Variants in PSMA1 observed in about 807,000 individuals in gnomAD.
The protein encoded by PSMA1 is proteasome subunit alpha type-1.
A neutral mutation model predicts 38.4 loss-of-function variants in PSMA1; 3 were observed. The observed-to-expected ratio is 0.08, with a 90% CI of 0.04 to 0.20. PSMA1 has a LOEUF of 0.20. Ranked by LOEUF, PSMA1 falls within the 10% of genes least tolerant of loss-of-function variation. The pLI is 1.00. For missense variants in PSMA1, 227 were observed against 325.3 expected (o/e 0.70, Z 2.32); for synonymous variants, 101 against 107.1 (o/e 0.94, Z 0.35).
At chr11:14,551,612 C>G (rs1851886414) in intron 2 of PSMA1, among the ~76,000 whole-genome samples, 1 of 152,172 alleles carries the variant, frequency 6.6e-6, no homozygotes, top group Non-Finnish European at 1.5e-5. Flanking sequence ...AGATCATAGC[C>G]AATGAACTTC....
intron 2 of PSMA1, among the ~76,000 whole-genome samples, chr11:14,561,346 A>G (rs2134173209): frequency 6.6e-6 from 1 of 152,222 alleles, no homozygotes; most frequent in Non-Finnish European, 1.5e-5. Flanking sequence ...TCCACTATCT[A>G]TACATCTCCA....
intron 2 of PSMA1, among the ~76,000 whole-genome samples, chr11:14,533,431 C>T (rs766607145): frequency 4.6e-5 from 7 of 152,156 alleles, no homozygotes; most frequent in Non-Finnish European, 8.8e-5. Context: ...AGCCCCTGCA[C>T]CCAAGTACAG....
At chr11:14,551,231 T>C (rs1286243802) in intron 2 of PSMA1, among the ~76,000 whole-genome samples, 1 of 152,188 alleles carries the variant, frequency 6.6e-6, no homozygotes, top group African/African-American at 2.4e-5. Context: ...GAATCCTAGA[T>C]TGAAGATCTA....
intron 4 of PSMA1, among the ~76,000 whole-genome samples, chr11:14,514,758 C>G (rs1226108773): frequency 6.6e-6 from 1 of 152,136 alleles, no homozygotes; most frequent in Non-Finnish European, 1.5e-5. Flanking sequence ...GAAGAGAAGG[C>G]TGAACAAAAG....
chr11:14,537,970 A>G (rs968553452), intron 2 of PSMA1, among the ~76,000 whole-genome samples: 1 of 152,180 alleles, frequency 6.6e-6, no homozygotes. Context: ...CGGACTCCCA[A>G]AGTGCTGGGA....
At chr11:14,548,806 G>A (rs1020626230) in intron 2 of PSMA1, among the ~76,000 whole-genome samples, 2 of 152,174 alleles carry the variant, frequency 1.3e-5, no homozygotes, top group Non-Finnish European at 2.9e-5. Context: ...TTTCTTGACT[G>A]TGTAATAAAT....
intron 2 of PSMA1, among the ~76,000 whole-genome samples, chr11:14,602,785 G>A (rs1305857788): frequency 6.6e-6 from 1 of 152,178 alleles, no homozygotes; most frequent in Non-Finnish European, 1.5e-5. Context: ...TACACTGAAA[G>A]CAGGAACAAA....
At chr11:14,623,712 T>C (rs1377258557) in intron 1 of PSMA1, among the ~76,000 whole-genome samples, 1 of 152,192 alleles carries the variant, frequency 6.6e-6, no homozygotes, top group East Asian at 1.9e-4. Context: ...GAAACTGACA[T>C]TTTGGCATAA....
rs1160030585 is a variant in PSMA1 at position 14,508,561 on chromosome 11, C to A, written c.625-795G>T. 1.5e-4 allele frequency among the ~76,000 whole-genome samples: 7 copies of A among 47,118 alleles called. 1 individual carries two copies. The highest frequency in any genetic ancestry group is 2.7e-3 in the South Asian group (2 of 742). The allele number at this position is 47,118 out of a possible 152,430, so 30.9% of individuals were successfully genotyped here. A position where few individuals can be genotyped will look rare whatever the true frequency, so the allele number is the denominator to read the frequency against. On this transcript the variant is annotated intron_variant, in intron 8 of 9. Transcript: ENST00000396394. ...TCCTCTTCCAGTCACCACTCCATCT[C>A]AAAAAAAAAAAAAAAACCCAGATTG...
chr11:14,544,401 GA>G (rs1268386232), intron 2 of PSMA1, among the ~76,000 whole-genome samples: 6 of 150,170 alleles, frequency 4.0e-5, no homozygotes, highest in Admixed American at 2.0e-4. Flanking sequence ...CCACAGAATG[GA>G]AAAAAAAATT....
intron 1 of PSMA1, among the ~76,000 whole-genome samples, chr11:14,625,513 C>T (rs1489427021): frequency 1.3e-5 from 2 of 152,190 alleles, no homozygotes; most frequent in Admixed American, 6.5e-5. Context: ...TGGACCATTA[C>T]TCTTCTGGAT....
chr11:14,594,227 G>A (rs1250963177), intron 2 of PSMA1, among the ~76,000 whole-genome samples: 2 of 152,120 alleles, frequency 1.3e-5, no homozygotes, highest in Non-Finnish European at 2.9e-5. Flanking sequence ...AAGTTTTTCT[G>A]TTACTGGTGA....
chr11:14,632,824 C>G (rs1190271660), intron 1 of PSMA1, among the ~76,000 whole-genome samples: 1 of 152,064 alleles, frequency 6.6e-6, no homozygotes, highest in Admixed American at 6.6e-5. Flanking sequence ...TAGATTTGGT[C>G]TTTTCATATT....
chr11:14,525,298 C>T (rs1289274480), upstream of PSMA1, among the ~76,000 whole-genome samples: 1 of 152,074 alleles, frequency 6.6e-6, no homozygotes, highest in Non-Finnish European at 1.5e-5. Flanking sequence ...ACCTTTTGCC[C>T]CAGTTCAAAG....
At chr11:14,627,350 T>C (rs1426514028) in intron 1 of PSMA1, among the ~76,000 whole-genome samples, 1 of 152,226 alleles carries the variant, frequency 6.6e-6, no homozygotes, top group Non-Finnish European at 1.5e-5. Context: ...CTTGAGGTGC[T>C]TGGTAGAAAT....
At chr11:14,630,102 G>A (rs1292330551) in intron 1 of PSMA1, among the ~76,000 whole-genome samples, 9 of 152,076 alleles carry the variant, frequency 5.9e-5, no homozygotes, top group South Asian at 4.2e-4. Context: ...CAATCATGTC[G>A]TCTGCAAAAA....
At chr11:14,598,005 T>G (rs1475192474) in intron 2 of PSMA1, among the ~76,000 whole-genome samples, 1 of 152,236 alleles carries the variant, frequency 6.6e-6, no homozygotes, top group East Asian at 1.9e-4. Context: ...TTTCGTTATT[T>G]ACCCAGTAGT....
intron 1 of PSMA1, among the ~76,000 whole-genome samples, chr11:14,624,736 T>C (rs1188035875): frequency 6.6e-6 from 1 of 152,156 alleles, no homozygotes; most frequent in Admixed American, 6.5e-5. Flanking sequence ...AGGATAGGAA[T>C]ATGTATGCAA....
chr11:14,632,244 G>A lies in PSMA1; in HGVS notation c.-166+11211C>T, dbSNP rs182939782. Among the ~76,000 whole-genome samples the A allele has an allele frequency of 2.5e-3, 372 of 149,170 alleles. 4 individuals are homozygous for A. The highest frequency in any genetic ancestry group is 9.0e-3 in the African/African-American group (353 of 39,410). ...CTGGTTAATTTGCTCGTTAGTTGAT[G>A]CAGTTTCTTCCTAGTCTCGATGGTC... On this transcript the variant is annotated intron_variant, in intron 1 of 10. Coordinates refer to the PSMA1 transcript ENST00000418988.
Sources: gnomAD v4.1 joint callset for allele counts (sites outside exome capture counted in the v4.1 genomes callset) on GRCh38, gnomAD v4.1.1 for gene constraint, MANE v1.5 for transcripts, NCBI Gene and HGNC (gene_info 2026-07-23, HGNC 2026-07-21) for gene names.